The following CCSER1 variants were observed in gnomAD, a reference collection of about 807,000 sequenced individuals.
CCSER1 encodes serine-rich coiled-coil domain-containing protein 1.
Under a neutral mutation model 82.0 loss-of-function variants are expected in CCSER1, and 41 were observed. The observed-to-expected ratio is 0.50, with a 90% CI of 0.39 to 0.65. The LOEUF (loss-of-function observed/expected upper bound fraction) is 0.65, where lower values mean the gene tolerates loss of function less well. Among genes scored for constraint, CCSER1 ranks in the 30% least tolerant of loss-of-function variants. The pLI, the probability that CCSER1 is intolerant of heterozygous loss-of-function variation, is 0.00. For synonymous variants in CCSER1, 414 were observed against 383.9 expected (o/e 1.08, Z -0.92); for missense variants, 1,119 against 1,064.2 (o/e 1.05, Z -0.72).
intron 9 of CCSER1, among the ~76,000 whole-genome samples, chr4:91,084,619 G>A (rs1723170340): frequency 6.6e-6 from 1 of 152,194 alleles, no homozygotes; most frequent in South Asian, 2.1e-4. Context: ...TTACATTTAA[G>A]AAATGTTCTA....
intron 5 of CCSER1, among the ~76,000 whole-genome samples, chr4:90,604,535 TAGC>T (rs1384408457): frequency 6.6e-6 from 1 of 152,210 alleles, no homozygotes; most frequent in Non-Finnish European, 1.5e-5. Flanking sequence ...GCAATGTGCT[TAGC>T]ATATTGTTAC....
intron 1 of CCSER1, among the ~76,000 whole-genome samples, chr4:90,247,606 C>G (rs1207949964): frequency 1.3e-5 from 2 of 152,014 alleles, no homozygotes; most frequent in Non-Finnish European, 2.9e-5. Flanking sequence ...AAAATTAGTA[C>G]TGCTACTTTG....
intron 10 of CCSER1, among the ~76,000 whole-genome samples, chr4:91,553,943 G>T (rs1762288329): frequency 6.7e-6 from 1 of 149,588 alleles, no homozygotes; most frequent in South Asian, 2.1e-4. Flanking sequence ...TTTTCAGCTT[G>T]GTTTTTTCTT....
chr4:90,814,246 GAC>G (rs1758721786), intron 7 of CCSER1, among the ~76,000 whole-genome samples: 1 of 152,180 alleles, frequency 6.6e-6, no homozygotes, highest in African/African-American at 2.4e-5. Flanking sequence ...CAGGGCCCTG[GAC>G]ACAGCCCACA....
chr4:91,130,212 T>A (rs2148907082), intron 10 of CCSER1, among the ~76,000 whole-genome samples: 1 of 152,058 alleles, frequency 6.6e-6, no homozygotes, highest in South Asian at 2.1e-4. Context: ...AGAAAAAGTA[T>A]TTAAAAAAGT....
intron 10 of CCSER1, among the ~76,000 whole-genome samples, chr4:91,575,027 T>A (rs997983574): frequency 9.2e-5 from 14 of 151,962 alleles, no homozygotes; most frequent in African/African-American, 2.9e-4. Flanking sequence ...CATAGGTCAA[T>A]GAAAGAGAAT....
intron 3 of CCSER1, among the ~76,000 whole-genome samples, chr4:90,376,699 C>A (rs980595387): frequency 3.9e-5 from 6 of 152,082 alleles, no homozygotes; most frequent in African/African-American, 1.4e-4. Flanking sequence ...ATGGTCCCAG[C>A]CTCTGTCAGA....
At chr4:90,930,943 C>T (rs1254426632) in intron 9 of CCSER1, among the ~76,000 whole-genome samples, 8 of 114,490 alleles carry the variant, frequency 7.0e-5, no homozygotes, top group Non-Finnish European at 1.2e-4. Context: ...TATATATACA[C>T]ATGACATATA....
intron 10 of CCSER1, among the ~76,000 whole-genome samples, chr4:91,224,417 ATTC>A (rs1471146435): frequency 6.6e-6 from 1 of 152,030 alleles, no homozygotes; most frequent in African/African-American, 2.4e-5. Context: ...ATTTTTCCAT[ATTC>A]TTCTTAGATT....
chr4:91,222,226 A>G (rs1737810676), intron 10 of CCSER1, among the ~76,000 whole-genome samples: 2 of 151,266 alleles, frequency 1.3e-5, no homozygotes, highest in South Asian at 4.2e-4. Context: ...CAGCATATGC[A>G]GGAAGGTGAG....
chr4:90,380,150 A>T (rs1034709430), intron 3 of CCSER1, among the ~76,000 whole-genome samples: 1 of 152,154 alleles, frequency 6.6e-6, no homozygotes, highest in African/African-American at 2.4e-5. Context: ...GATCAAAGCT[A>T]TATTAAAGAT....
At chr4:91,326,857 G>C (rs1361221410) in intron 10 of CCSER1, among the ~76,000 whole-genome samples, 1 of 152,112 alleles carries the variant, frequency 6.6e-6, no homozygotes, top group Non-Finnish European at 1.5e-5. Context: ...CCAAAACCCA[G>C]CAGTGCCTCC....
chr4:90,155,666 T>C (rs1727976042), intron 1 of CCSER1, among the ~76,000 whole-genome samples: 2 of 152,372 alleles, frequency 1.3e-5, no homozygotes, highest in South Asian at 2.1e-4. Flanking sequence ...TTTATTTGCA[T>C]AGAGGTGTTC....
chr4:91,464,315 T>C (rs985625799), intron 10 of CCSER1, among the ~76,000 whole-genome samples: 2 of 152,148 alleles, frequency 1.3e-5, no homozygotes, highest in Admixed American at 6.5e-5. Flanking sequence ...AGAGATTTTG[T>C]CACCAAAAGG....
chr4:91,001,738 T>C (rs769960276), intron 9 of CCSER1, among the ~76,000 whole-genome samples: 3 of 152,224 alleles, frequency 2.0e-5, no homozygotes, highest in African/African-American at 4.8e-5. Flanking sequence ...AGTGGAGCAT[T>C]TAGACCGTTT....
intron 10 of CCSER1, among the ~76,000 whole-genome samples, chr4:91,386,329 A>G (rs1485361528): frequency 2.0e-5 from 3 of 152,092 alleles, no homozygotes; most frequent in Non-Finnish European, 4.4e-5. Flanking sequence ...CCAAATAATT[A>G]AGGATAGCAA....
intron 5 of CCSER1, among the ~76,000 whole-genome samples, chr4:90,602,826 A>T (rs1303548807): frequency 6.6e-6 from 1 of 152,128 alleles, no homozygotes; most frequent in African/African-American, 2.4e-5. Context: ...TTATAAGGAG[A>T]CTGATAACAA....
At chr4:90,453,485 A>G (rs924042492) in intron 4 of CCSER1, among the ~76,000 whole-genome samples, 1 of 152,194 alleles carries the variant, frequency 6.6e-6, no homozygotes. Flanking sequence ...TTCAGAGGAT[A>G]TTGTCTCTGG....
intron 4 of CCSER1, among the ~76,000 whole-genome samples, chr4:90,426,683 CTT>C (rs1757571689): frequency 6.6e-6 from 1 of 151,978 alleles, no homozygotes; most frequent in South Asian, 2.1e-4. Flanking sequence ...TTGTTTATAA[CTT>C]GTGATATGAA....
Sources: allele counts gnomAD v4.1 joint callset (sites outside exome capture counted in the v4.1 genomes callset), GRCh38; gene constraint gnomAD v4.1.1; transcripts MANE v1.5; gene names NCBI Gene and HGNC (gene_info 2026-07-23, HGNC 2026-07-21).